Variants in PLEKHA5 observed in about 807,000 individuals in gnomAD.
The protein encoded by PLEKHA5 is pleckstrin homology domain containing A5.
A neutral mutation model predicts 181.9 loss-of-function variants in PLEKHA5; 55 were observed. The ratio of observed to expected loss-of-function variants is 0.30; its 90% CI spans 0.24 to 0.38. The LOEUF is 0.38. PLEKHA5 is among the 10% of genes least tolerant of loss of function. The pLI is 1.00. For missense variants in PLEKHA5, 1,432 were observed against 1,549.5 expected (o/e 0.92, Z 1.27); for synonymous variants, 535 against 529.4 (o/e 1.01, Z -0.15).
intron 3 of PLEKHA5, among the ~76,000 whole-genome samples, chr12:19,222,219 A>G (rs1233076829): frequency 6.6e-6 from 1 of 152,148 alleles, no homozygotes; most frequent in Non-Finnish European, 1.5e-5. Flanking sequence ...TGAGATTATC[A>G]AAGAAAGATC....
At chr12:19,149,277 C>T (rs569746024) in intron 3 of PLEKHA5, among the ~76,000 whole-genome samples, 91 of 151,792 alleles carry the variant, frequency 6.0e-4, no homozygotes, top group Non-Finnish European at 1.0e-3. Flanking sequence ...CCAGCGTGGA[C>T]GGATCACGAG....
chr12:19,135,883 T>C (rs1004734258), intron 3 of PLEKHA5, among the ~76,000 whole-genome samples: 2 of 147,890 alleles, frequency 1.4e-5, no homozygotes, highest in Non-Finnish European at 3.0e-5. Flanking sequence ...CTTACTTTGT[T>C]TTTTTTTTTT....
chr12:19,154,743 A>G (rs1006112102), intron 3 of PLEKHA5: 10 of 152,176 alleles, frequency 6.6e-5, no homozygotes, highest in African/African-American at 2.4e-4. Context: ...TACTAGTAAC[A>G]TATTTATATT....
chr12:19,317,703 A>G (rs1021455477), intron 16 of PLEKHA5, among the ~76,000 whole-genome samples: 1 of 149,316 alleles, frequency 6.7e-6, no homozygotes, highest in African/African-American at 2.5e-5. Context: ...ATGCCAAGAC[A>G]GTTTATAAAA....
chr12:19,355,780 A>AT (rs1029078756), intron 26 of PLEKHA5, among the ~76,000 whole-genome samples: 3 of 152,100 alleles, frequency 2.0e-5, no homozygotes, highest in Admixed American at 6.6e-5. Context: ...AGAGTTAGGC[A>AT]TTTTTTACAG....
chr12:19,265,906 G>T, intron 8 of PLEKHA5, 56 bp downstream of exon 8: 1 of 877,822 alleles, frequency 1.1e-6, no homozygotes. Context: ...TGGTTAAAAT[G>T]GATATTGAGC....
At chr12:19,179,896 C>T (rs561570648) in intron 3 of PLEKHA5, among the ~76,000 whole-genome samples, 15 of 152,214 alleles carry the variant, frequency 9.9e-5, no homozygotes, top group African/African-American at 2.2e-4. Flanking sequence ...GAAAGGGTCT[C>T]GCTATATTTC....
chr12:19,292,662 G>A (rs2078751912), intron 15 of PLEKHA5, among the ~76,000 whole-genome samples: 1 of 152,160 alleles, frequency 6.6e-6, no homozygotes, highest in Non-Finnish European at 1.5e-5. Context: ...CAATGGGCCG[G>A]GTGTGGTGGC....
intron 20 of PLEKHA5, among the ~76,000 whole-genome samples, chr12:19,326,475 ATTCTGAAAACATC>A (rs1408891816): frequency 6.6e-6 from 1 of 152,218 alleles, no homozygotes; most frequent in Non-Finnish European, 1.5e-5. Flanking sequence ...CAAAGCTGTG[ATTCTGAAAACATC>A]TTCTCCTCAC....
At chr12:19,187,530 T>A (rs968516482) in intron 3 of PLEKHA5, among the ~76,000 whole-genome samples, 2 of 152,158 alleles carry the variant, frequency 1.3e-5, no homozygotes, top group Non-Finnish European at 2.9e-5. Context: ...TCATGGTGCT[T>A]GGCTTTACCC....
intron 3 of PLEKHA5, among the ~76,000 whole-genome samples, chr12:19,235,345 A>G (rs976648087): frequency 1.3e-5 from 2 of 152,226 alleles, no homozygotes; most frequent in Non-Finnish European, 2.9e-5. Context: ...AAATTTTTAT[A>G]TCAGTAGCAT....
chr12:19,264,455 A>T (rs2069621866), intron 7 of PLEKHA5, among the ~76,000 whole-genome samples: 1 of 152,316 alleles, frequency 6.6e-6, no homozygotes, highest in Non-Finnish European at 1.5e-5. Context: ...TACCCTTTAC[A>T]TGAACATAAA....
chr12:19,144,331 G>T (rs989682380), intron 3 of PLEKHA5, among the ~76,000 whole-genome samples: 1 of 152,120 alleles, frequency 6.6e-6, no homozygotes, highest in Non-Finnish European at 1.5e-5. Flanking sequence ...AGTTCCATGC[G>T]GTATAACTGA....
At chr12:19,327,015 T>G (rs576471145) in intron 20 of PLEKHA5, among the ~76,000 whole-genome samples, 6 of 152,344 alleles carry the variant, frequency 3.9e-5, no homozygotes, top group African/African-American at 1.4e-4. Flanking sequence ...TAAATAGTTC[T>G]GTGGTGAACA....
At position 19,359,448 on chromosome 12, in the gene PLEKHA5, A is replaced by T. The variant is rs375096325; in HGVS notation, c.3385A>T (p.Ile1129Phe). 1.2e-6 allele frequency: 2 copies of T among 1,613,586 alleles called. No homozygotes were observed. The highest frequency in any genetic ancestry group is 1.7e-6 in the Non-Finnish European group (2 of 1,179,618). ...GGATGATAAGGAACTGGACACTGCC[A>T]TTAGAGAAAATGATGTAAAGCCAGA... ...RRDDKELDTA[I>F]RENDVKPDHE... Residue 1129 changes from isoleucine to phenylalanine, a missense_variant, in exon 28 of 32, where the codon ATT becomes TTT. Ile to Phe is a conservative substitution (Grantham distance 21, BLOSUM62 0). This residue lies in a region of PLEKHA5 where 1,143 missense variants were observed against 1,168.4 expected (regional missense o/e 0.98). Transcript: ENST00000429027.
At chr12:19,167,442 A>C in intron 3 of PLEKHA5, among the ~76,000 whole-genome samples, 1 of 93,422 alleles carries the variant, frequency 1.1e-5, no homozygotes, top group Non-Finnish European at 1.9e-5. Flanking sequence ...TTTGCTTTGG[A>C]AGCATGGTTG....
intron 3 of PLEKHA5, among the ~76,000 whole-genome samples, chr12:19,210,694 A>G (rs912009635): frequency 1.3e-5 from 2 of 152,198 alleles, no homozygotes; most frequent in African/African-American, 4.8e-5. Flanking sequence ...TTGAGGTCAC[A>G]TTGTCAGAGG....
chr12:19,129,998 G>A, intron 1 of PLEKHA5, 53 bp from the exon 2 acceptor site: 1 of 1,476,512 alleles, frequency 6.8e-7, no homozygotes, highest in Non-Finnish European at 9.2e-7. Context: ...CCCTCGGCTC[G>A]CCCCCGCGTC....
At chr12:19,255,233 G>A in intron 5 of PLEKHA5, 68 bp downstream of exon 5, 1 of 903,882 alleles carries the variant, frequency 1.1e-6, no homozygotes, top group Non-Finnish European at 1.6e-6. Flanking sequence ...TACTCATAAT[G>A]GACTTAAAAG....
Sources: allele counts gnomAD v4.1 joint callset (sites outside exome capture counted in the v4.1 genomes callset), GRCh38; gene constraint gnomAD v4.1.1; regional missense constraint gnomAD v4.1.1; transcripts MANE v1.5; gene names NCBI Gene and HGNC (gene_info 2026-07-23, HGNC 2026-07-21).